The following WDR33 variants were observed in gnomAD, a reference collection of about 807,000 sequenced individuals.
WDR33 encodes the protein pre-mRNA 3' end processing protein WDR33.
In WDR33, 47 loss-of-function variants were observed where a neutral mutation model predicts 164.9. The observed-to-expected ratio is 0.29, with a 90% confidence interval of 0.23 to 0.36. WDR33 has a LOEUF of 0.36. WDR33 is among the 10% of genes least tolerant of loss of function. WDR33 has a pLI of 1.00. For synonymous variants in WDR33, 505 were observed against 589.0 expected, an observed-to-expected ratio of 0.86 and a Z score of 2.06; for missense variants, 1,137 against 1,754.1, an observed-to-expected ratio of 0.65 and a Z score of 6.28.
Position 127,722,027 on chromosome 2 carries a change from T to C in WDR33, c.1519-39A>G, listed in dbSNP as rs750860750. ...AGAATATTAAAATGTACGCTAAGTA[T>C]GAAAATTACAATGATAGAATGAGAA... On this transcript the variant is annotated intron_variant, in intron 14 of 21. Coordinates refer to ENST00000322313, the MANE Select transcript of WDR33 (RefSeq NM_018383.5). The surrounding 1 kb of genome is among the most constrained non-coding windows in gnomAD (Gnocchi z 5.1). 16 of 1,596,454 alleles carry C rather than the reference T, an allele frequency of 1.0e-5. No individual in the cohort carries two copies. The highest frequency in any genetic ancestry group is 3.4e-6 in the Non-Finnish European group (4 of 1,174,978).
At chr2:127,769,023 A>AAAT (rs1190266995) in intron 2 of WDR33, 22 bp from the exon 3 acceptor site, 1 of 1,264,934 alleles carries the variant, frequency 7.9e-7, no homozygotes, top group African/African-American at 1.5e-5. Context: ...ATAAATAAAT[A>AAAT]AATAAATAAA....
At chr2:127,797,554 C>T (rs1006256006) in intron 1 of WDR33, among the ~76,000 whole-genome samples, 1 of 152,028 alleles carries the variant, frequency 6.6e-6, no homozygotes, top group Admixed American at 6.6e-5. Flanking sequence ...GTTTTAGTGG[C>T]TTTTTTTGTA....
Position 127,709,818 on chromosome 2 carries a change from G to A in WDR33, c.3347C>T (p.Ala1116Val). 4 of 1,614,218 alleles carry A rather than the reference G, an allele frequency of 2.5e-6. No individual in the cohort carries two copies. Among genetic ancestry groups the A allele is most frequent in the Non-Finnish European group, 3.4e-6 (4 of 1,180,042 alleles). ...RGAPPRHEGR[A>V]PPRGRDGFPG... ...AAAACCATCCCTTCCTCTGGGGGGA[G>A]CACGGCCCTCATGCCTCGGCGGGGC... The change falls in exon 19 of 22, where the codon GCT becomes GTT. Residue 1116 changes from alanine (A) to valine (V), a missense_variant. This residue lies in a region of WDR33 where 867 missense variants were observed against 1,073.0 expected (regional missense o/e 0.81). Coordinates refer to ENST00000322313, the MANE Select transcript of WDR33 (RefSeq NM_018383.5). The surrounding 1 kb of genome is among the most constrained non-coding windows in gnomAD (Gnocchi z 5.0).
intron 1 of WDR33, among the ~76,000 whole-genome samples, chr2:127,804,714 A>G (rs1689371209): frequency 6.6e-6 from 1 of 152,220 alleles, no homozygotes; most frequent in South Asian, 2.1e-4. Context: ...CGAAAGGGGG[A>G]AAGCAAAAGC....
At chr2:127,786,750 T>A (rs867474600) in intron 1 of WDR33, among the ~76,000 whole-genome samples, 23 of 152,234 alleles carry the variant, frequency 1.5e-4, no homozygotes, top group Admixed American at 2.6e-4. Flanking sequence ...TAAACTCAAT[T>A]TATTCTAGAA....
At chr2:127,754,668 C>T (rs116380618) in intron 7 of WDR33, among the ~76,000 whole-genome samples, 1,866 of 151,276 alleles carry the variant, frequency 0.012, 48 homozygotes, top group African/African-American at 0.044. Context: ...AGCAACCTTC[C>T]CACCTTAGCC....
At chr2:127,780,805 C>A (rs111278582) in intron 1 of WDR33, among the ~76,000 whole-genome samples, 10,088 of 152,222 alleles carry the variant, frequency 0.066, 496 homozygotes, top group Non-Finnish European at 0.095. Context: ...CCACTGCACT[C>A]CAGCCTGGGC....
Position 127,723,000 on chromosome 2 carries a change from T to A in WDR33, c.1336A>T (p.Ile446Leu), listed in dbSNP as rs1193585709. Residue 446 changes from isoleucine to leucine, a missense_variant, in exon 13 of 22, where the codon ATA (isoleucine) becomes TTA (leucine). Physicochemically the swap from Ile to Leu is conservative, Grantham distance 5 (BLOSUM62 2). Around this residue, in one of 9 missense-constraint regions of WDR33, gnomAD observed 75 missense variants for 124.7 expected, o/e 0.60. Transcript: ENST00000322313. This position sits in a 1 kb window ranked among gnomAD's most constrained non-coding sequence, Gnocchi z 5.1. ...NSLAVIPGMG[I>L]PEQLKLAMEQ... is the part of the protein sequence containing the mutation. ...ATAGCTAATTTTAGTTGTTCTGGTA[T>A]TCCCATTCCTGGAATTACTGCCAGG... The A allele has an allele frequency of 5.6e-6, 9 of 1,612,848 alleles. No individual in the cohort carries two copies. The highest frequency in any genetic ancestry group is 7.6e-6 in the Non-Finnish European group (9 of 1,179,532).
rs1386227258 is a variant in WDR33 at position 127,703,810 on chromosome 2, TTAAA to T, written c.*2509_*2512del. 1.8e-5 allele frequency: 3 copies of T among 167,072 alleles called. No homozygotes were observed. The highest frequency in any genetic ancestry group is 7.2e-5 in the African/African-American group (3 of 41,454). The allele number at this position is 167,072 out of a possible 1,614,324, so 10.3% of individuals were successfully genotyped here. A position where few individuals can be genotyped will look rare whatever the true frequency, so the allele number is the denominator to read the frequency against. ...AATGATGTTTTACAATGTTTATTTC[TTAAA>T]TAAAAACTTAAAAATTCAACATTTC... On this transcript the variant is annotated 3_prime_UTR_variant, in exon 22 of 22. Transcript: ENST00000322313.
rs1032529109 is a variant in WDR33, at chr2:127,738,862, AGAG to A, written c.725-12088_725-12086del. ...TAAATAATTTTCTTGATTAAAATGA[AGAG>A]GAGGAGGAGAATGGAACAAAATCTT... On this transcript the variant is annotated intron_variant, in intron 7 of 21. Coordinates refer to ENST00000322313, the MANE Select transcript of WDR33 (RefSeq NM_018383.5). This position sits in a 1 kb window ranked among gnomAD's most constrained non-coding sequence, Gnocchi z 4.4. 2.7e-4 allele frequency among the ~76,000 whole-genome samples: 41 copies of A among 152,334 alleles called. No homozygotes were observed. Among genetic ancestry groups the A allele is most frequent in the African/African-American group, 8.9e-4 (37 of 41,574 alleles).
At chr2:127,781,916 T>A (rs570736353) in intron 1 of WDR33, among the ~76,000 whole-genome samples, 2 of 148,852 alleles carry the variant, frequency 1.3e-5, no homozygotes, top group African/African-American at 5.0e-5. Context: ...GAGAATTGCC[T>A]GAACCCGGGA....
intron 7 of WDR33, among the ~76,000 whole-genome samples, chr2:127,748,560 A>G (rs559501327): frequency 2.0e-5 from 3 of 152,332 alleles, no homozygotes; most frequent in African/African-American, 7.2e-5. Context: ...AAACTGTTAA[A>G]GCAGAGGAGA....
intron 1 of WDR33, among the ~76,000 whole-genome samples, chr2:127,780,213 T>A (rs540930537): frequency 2.8e-4 from 43 of 152,228 alleles, no homozygotes; most frequent in Non-Finnish European, 4.3e-4. Context: ...GACCTCGTGA[T>A]CCGCCCACCT....
rs1558925890 is a variant in WDR33 at position 127,726,127 on chromosome 2, G to C, written c.851+524C>G. ...CAGAAAGACCAGGAAATGGATGCTT[G>C]GTCAAAAAAATGTTAACATATGCAT... On this transcript the variant is annotated intron_variant, in intron 8 of 21. Transcript: ENST00000322313. This position sits in a 1 kb window ranked among gnomAD's most constrained non-coding sequence, Gnocchi z 4.8. 6.6e-6 allele frequency among the ~76,000 whole-genome samples: 1 copy of C among 151,880 alleles called. No individual in the cohort carries two copies. Among genetic ancestry groups the C allele is most frequent in the African/African-American group, 2.4e-5 (1 of 41,360 alleles).
Position 127,710,632 on chromosome 2 carries a change from G to A in WDR33, c.3309-776C>T, listed in dbSNP as rs1339719127. Among the ~76,000 whole-genome samples, 2 of 152,228 alleles carry A rather than the reference G, an allele frequency of 1.3e-5. No homozygotes were observed. Among genetic ancestry groups the A allele is most frequent in the South Asian group, 4.1e-4 (2 of 4,832 alleles). Reference sequence around the variant, plus strand: ...GGAGCCAGGAGACTACACTGACTGGGAGTATTGCTGAGGCAGAGAGGGTAC... The same window carrying A: ...GGAGCCAGGAGACTACACTGACTGGAAGTATTGCTGAGGCAGAGAGGGTAC... On this transcript the variant is annotated intron_variant, in intron 18 of 21. Coordinates refer to ENST00000322313, the MANE Select transcript of WDR33 (RefSeq NM_018383.5). The surrounding 1 kb of genome is among the most constrained non-coding windows in gnomAD (Gnocchi z 4.4).
At position 127,757,156 on chromosome 2, in the gene WDR33, A is replaced by G. The variant is rs758961824; in HGVS notation, c.724+5906T>C. 3.4e-4 allele frequency among the ~76,000 whole-genome samples: 52 copies of G among 152,128 alleles called. 1 individual carries two copies. The highest frequency in any genetic ancestry group is 1.2e-3 in the Admixed American group (19 of 15,262). ...GCTCTTGACTCTTAATTAAGACACTAAATATACTAGCAGCAGCATGCAACT... is the reference window on the plus strand; with the variant it reads ...GCTCTTGACTCTTAATTAAGACACTGAATATACTAGCAGCAGCATGCAACT... On this transcript the variant is annotated intron_variant, in intron 7 of 21. Coordinates refer to ENST00000322313, the MANE Select transcript of WDR33 (RefSeq NM_018383.5).
At chr2:127,781,183 G>A (rs935221494) in intron 1 of WDR33, among the ~76,000 whole-genome samples, 1 of 152,120 alleles carries the variant, frequency 6.6e-6, no homozygotes, top group African/African-American at 2.4e-5. Context: ...GCTTTTTAAA[G>A]TTCGAGATTC....
intron 7 of WDR33, among the ~76,000 whole-genome samples, chr2:127,730,875 T>C (rs527374428): frequency 3.3e-5 from 5 of 152,242 alleles, no homozygotes; most frequent in Non-Finnish European, 5.9e-5. Context: ...GGATTATATT[T>C]TGTGTGTGTG....
intron 1 of WDR33, among the ~76,000 whole-genome samples, chr2:127,786,824 T>C (rs1573459145): frequency 6.6e-6 from 1 of 151,154 alleles, no homozygotes; most frequent in East Asian, 1.9e-4. Context: ...GAGGTACAAT[T>C]TTATTTCTTC....
Sources: allele counts gnomAD v4.1 joint callset (sites outside exome capture counted in the v4.1 genomes callset), GRCh38; gene constraint gnomAD v4.1.1; regional missense constraint gnomAD v4.1.1; non-coding constraint Gnocchi (gnomAD v3.1); transcripts MANE v1.5; gene names NCBI Gene and HGNC (gene_info 2026-07-23, HGNC 2026-07-21).